GRK3: variants seen among roughly 807,000 people sequenced by gnomAD.
The protein encoded by GRK3 is G protein-coupled receptor kinase 3.
Under a neutral mutation model 95.7 loss-of-function variants are expected in GRK3, and 54 were observed. The ratio of observed to expected loss-of-function variants is 0.56; its 90% CI spans 0.45 to 0.71. The LOEUF (loss-of-function observed/expected upper bound fraction) is 0.71. Among genes scored for constraint, GRK3 ranks in the 30% least tolerant of loss-of-function variants. The pLI is 0.00. For synonymous variants in GRK3, 281 were observed against 290.8 expected, an observed-to-expected ratio of 0.97 and a Z score of 0.34; for missense variants, 649 against 851.2, an observed-to-expected ratio of 0.76 and a Z score of 2.96.
At chr22:25,707,780 G>C (rs1359561117) in intron 15 of GRK3, among the ~76,000 whole-genome samples, 1 of 152,188 alleles carries the variant, frequency 6.6e-6, no homozygotes, top group East Asian at 1.9e-4. Context: ...CTTGGGCGCT[G>C]TATGAAGTGG....
intron 6 of GRK3, among the ~76,000 whole-genome samples, chr22:25,671,233 C>G (rs1426625129): frequency 4.5e-4 from 54 of 121,256 alleles, no homozygotes; most frequent in East Asian, 1.4e-3. Context: ...CCAGCTACTC[C>G]GGAGGCTGAG....
At position 25,564,984 on chromosome 22, in the gene GRK3, C is replaced by T; in HGVS notation, c.-57C>T. 1 of 491,830 alleles carries T rather than the reference C, an allele frequency of 2.0e-6. No homozygotes were observed. Among genetic ancestry groups the T allele is most frequent in the Non-Finnish European group, 2.8e-6 (1 of 363,156 alleles). 30.5% of individuals were successfully genotyped at this position (491,830 alleles called of 1,614,324 possible). On this transcript the variant is annotated 5_prime_UTR_variant, in exon 1 of 21. Transcript: ENST00000324198. Reference sequence around the variant, plus strand: ...GGGCGCGGCGGGCGGCGGCGGCGGGCGCGCGTCCCGTCCAGGTCCGGAGTA... The same window carrying T: ...GGGCGCGGCGGGCGGCGGCGGCGGGTGCGCGTCCCGTCCAGGTCCGGAGTA...
chr22:25,571,361 C>G (rs560355031), intron 1 of GRK3, among the ~76,000 whole-genome samples: 10 of 152,272 alleles, frequency 6.6e-5, no homozygotes, highest in African/African-American at 2.4e-4. Context: ...AATACATTAT[C>G]TATTTCTTTC....
At chr22:25,671,517 A>G (rs2084983113) in intron 6 of GRK3, among the ~76,000 whole-genome samples, 1 of 152,152 alleles carries the variant, frequency 6.6e-6, no homozygotes. Context: ...TGGTGAACCT[A>G]TTGCCTCTTA....
At chr22:25,622,025 A>C (rs1042091653) in intron 2 of GRK3, among the ~76,000 whole-genome samples, 1 of 152,162 alleles carries the variant, frequency 6.6e-6, no homozygotes, top group African/African-American at 2.4e-5. Context: ...TCCTGTTGGC[A>C]TCCTTTGCCT....
chr22:25,613,619 A>C (rs973855195), intron 2 of GRK3, among the ~76,000 whole-genome samples: 2 of 149,786 alleles, frequency 1.3e-5, no homozygotes, highest in Non-Finnish European at 3.0e-5. Flanking sequence ...TTTCCTAATA[A>C]AAATGCTGCC....
chr22:25,607,574 A>T (rs184297512), intron 2 of GRK3, among the ~76,000 whole-genome samples: 100 of 151,864 alleles, frequency 6.6e-4, no homozygotes, highest in Admixed American at 5.0e-3. Flanking sequence ...CATTTAAAAA[A>T]TTTTTATTTA....
chr22:25,679,665 C>G (rs2085059790), intron 9 of GRK3, among the ~76,000 whole-genome samples: 1 of 152,150 alleles, frequency 6.6e-6, no homozygotes, highest in Admixed American at 6.5e-5. Context: ...CTCTCAGTAC[C>G]CTGTTACAGC....
chr22:25,669,215 T>C (rs927800538), intron 6 of GRK3, among the ~76,000 whole-genome samples: 2 of 152,096 alleles, frequency 1.3e-5, no homozygotes, highest in Non-Finnish European at 2.9e-5. Context: ...AAAGGTGATT[T>C]TTCCATGACC....
At chr22:25,603,425 A>C (rs926515887) in intron 1 of GRK3, among the ~76,000 whole-genome samples, 2 of 151,956 alleles carry the variant, frequency 1.3e-5, no homozygotes, top group East Asian at 1.9e-4. Flanking sequence ...CTGACTTGCT[A>C]CTTCTATTAT....
intron 2 of GRK3, among the ~76,000 whole-genome samples, chr22:25,635,528 C>T (rs1324702648): frequency 6.6e-6 from 1 of 152,146 alleles, no homozygotes; most frequent in Non-Finnish European, 1.5e-5. Context: ...ATCATGCCTG[C>T]ATTTCCTTCT....
At chr22:25,710,691 C>T (rs911870453) in intron 16 of GRK3, among the ~76,000 whole-genome samples, 3 of 152,178 alleles carry the variant, frequency 2.0e-5, no homozygotes, top group Admixed American at 2.0e-4. Flanking sequence ...GTGCCCTGCT[C>T]CCTCCAGGCC....
chr22:25,567,806 T>G (rs1210496915), intron 1 of GRK3, among the ~76,000 whole-genome samples: 3 of 152,240 alleles, frequency 2.0e-5, no homozygotes, highest in Admixed American at 1.3e-4. Flanking sequence ...TCCCACAGTT[T>G]TAAACAGAAG....
chr22:25,696,715 T>A (rs2085211770), intron 13 of GRK3, among the ~76,000 whole-genome samples: 1 of 152,182 alleles, frequency 6.6e-6, no homozygotes, highest in Non-Finnish European at 1.5e-5. Context: ...AATTCTACAT[T>A]CCCCCAAAAC....
intron 2 of GRK3, among the ~76,000 whole-genome samples, chr22:25,625,743 A>G (rs1053679518): frequency 3.3e-5 from 5 of 152,318 alleles, no homozygotes; most frequent in East Asian, 1.9e-4. Context: ...TCTGCCTTCT[A>G]GATAGCAGTA....
chr22:25,593,199 A>G (rs1932556315), intron 1 of GRK3, among the ~76,000 whole-genome samples: 1 of 151,736 alleles, frequency 6.6e-6, no homozygotes, highest in Non-Finnish European at 1.5e-5. Flanking sequence ...AAATATATTC[A>G]GTAATAGGAT....
chr22:25,672,476 A>G, intron 7 of GRK3, 129 bp downstream of exon 7: 1 of 625,876 alleles, frequency 1.6e-6, no homozygotes, highest in Non-Finnish European at 2.9e-6. Flanking sequence ...TCTGTCTTAC[A>G]GCTTTAAGTA....
At chr22:25,658,853 T>A (rs1256674959) in intron 3 of GRK3, among the ~76,000 whole-genome samples, 1 of 152,066 alleles carries the variant, frequency 6.6e-6, no homozygotes, top group Non-Finnish European at 1.5e-5. Context: ...ATTTTTTTGA[T>A]AAAGAAGACT....
intron 17 of GRK3, among the ~76,000 whole-genome samples, chr22:25,712,565 A>G (rs966331277): frequency 1.3e-5 from 2 of 152,278 alleles, no homozygotes; most frequent in African/African-American, 4.8e-5. Context: ...AGATGATCAT[A>G]CTTAAAAATG....
Sources: allele counts gnomAD v4.1 joint callset (sites outside exome capture counted in the v4.1 genomes callset), GRCh38; gene constraint gnomAD v4.1.1; transcripts MANE v1.5; gene names NCBI Gene and HGNC (gene_info 2026-07-23, HGNC 2026-07-21).